NELL1: variants seen among roughly 807,000 people sequenced by gnomAD.
NELL1 encodes the protein neural EGFL like 1, also known as protein kinase C-binding protein NELL1.
NELL1 carries 76 observed loss-of-function variants against 107.4 expected under a neutral mutation model. The ratio of observed to expected loss-of-function variants is 0.71; its 90% confidence interval spans 0.59 to 0.86. The LOEUF is 0.86. NELL1 is among the 40% of genes least tolerant of loss of function. NELL1 has a pLI of 0.00. For missense variants in NELL1, 1,024 were observed against 1,005.5 expected, an observed-to-expected ratio of 1.02 and a Z score of -0.25; for synonymous variants, 353 against 341.2, an observed-to-expected ratio of 1.03 and a Z score of -0.38.
chr11:21,264,064 AC>A (rs2133926007), intron 14 of NELL1, among the ~76,000 whole-genome samples: 1 of 37,752 alleles, frequency 2.6e-5, no homozygotes, highest in East Asian at 5.8e-4. Flanking sequence ...CTGAAAGTCT[AC>A]AATGGGGTGT....
At chr11:21,209,787 A>G (rs1333749318) in intron 13 of NELL1, among the ~76,000 whole-genome samples, 2 of 152,164 alleles carry the variant, frequency 1.3e-5, no homozygotes, top group Non-Finnish European at 2.9e-5. Context: ...TAGAATAAAA[A>G]AAAGAAGCGA....
At chr11:21,143,949 G>T (rs888213777) in intron 13 of NELL1, among the ~76,000 whole-genome samples, 2 of 152,162 alleles carry the variant, frequency 1.3e-5, no homozygotes, top group African/African-American at 2.4e-5. Context: ...TGGACCATGG[G>T]GCCACCAGTA....
chr11:21,571,586 T>G (rs1432995039), intron 18 of NELL1, among the ~76,000 whole-genome samples: 1 of 151,870 alleles, frequency 6.6e-6, no homozygotes, highest in Non-Finnish European at 1.5e-5. Flanking sequence ...TTGTTAATAC[T>G]TCCTACCTTG....
intron 15 of NELL1, among the ~76,000 whole-genome samples, chr11:21,397,093 G>A (rs1442249161): frequency 6.6e-6 from 1 of 151,594 alleles, no homozygotes; most frequent in African/African-American, 2.4e-5. Context: ...TATGTTTGTA[G>A]TAAGTTTTTA....
intron 15 of NELL1, among the ~76,000 whole-genome samples, chr11:21,458,940 T>G (rs1853824140): frequency 9.4e-6 from 1 of 106,218 alleles, no homozygotes; most frequent in African/African-American, 2.9e-5. Flanking sequence ...TTAGAGATAA[T>G]TTTGTGTCAG....
chr11:21,501,734 G>A (rs771709805), intron 15 of NELL1, among the ~76,000 whole-genome samples: 5 of 152,100 alleles, frequency 3.3e-5, no homozygotes, highest in Non-Finnish European at 5.9e-5. Flanking sequence ...TCTTCTATAT[G>A]GGCTTCATTC....
intron 12 of NELL1, among the ~76,000 whole-genome samples, chr11:21,012,697 C>A (rs549172777): frequency 6.6e-6 from 1 of 152,028 alleles, no homozygotes; most frequent in Admixed American, 6.6e-5. Context: ...TTGGGAATGG[C>A]AAATGCTAAT....
At chr11:20,717,791 T>A (rs1409739754) in intron 2 of NELL1, among the ~76,000 whole-genome samples, 1 of 152,170 alleles carries the variant, frequency 6.6e-6, no homozygotes, top group African/African-American at 2.4e-5. Context: ...TTAATTTTTG[T>A]CCCCCAGTAA....
chr11:21,463,163 A>C (rs1007356461), intron 15 of NELL1, among the ~76,000 whole-genome samples: 1 of 152,038 alleles, frequency 6.6e-6, no homozygotes, highest in Non-Finnish European at 1.5e-5. Flanking sequence ...AGACTAGATT[A>C]GCAATATGCC....
rs528032387 is a variant in NELL1, at chr11:21,504,658, T to G, written c.1646-29716T>G. Among the ~76,000 whole-genome samples, 10 of 152,316 alleles carry G rather than the reference T, an allele frequency of 6.6e-5. No individual in the cohort carries two copies. The East Asian group carries it at 1.7e-3, about 26-fold the overall frequency. ...TATCTTGCTCCTGATTACATACATT[T>G]GGTAATTTTCCTGCTTTTCCTGTGG... On this transcript the variant is annotated intron_variant, in intron 15 of 19. Transcript: ENST00000357134.
intron 15 of NELL1, among the ~76,000 whole-genome samples, chr11:21,502,677 T>A (rs1855171748): frequency 6.6e-6 from 1 of 152,168 alleles, no homozygotes; most frequent in Non-Finnish European, 1.5e-5. Flanking sequence ...AGTTTTTAGC[T>A]TTAGGATTCA....
At chr11:21,433,301 C>T (rs770823397) in intron 15 of NELL1, among the ~76,000 whole-genome samples, 32 of 152,106 alleles carry the variant, frequency 2.1e-4, no homozygotes, top group Admixed American at 7.9e-4. Flanking sequence ...GGGGTTATTA[C>T]GTAATGGTGG....
chr11:20,676,000 CAGCCTCCCAA>C (rs1299573075), intron 1 of NELL1, among the ~76,000 whole-genome samples: 1 of 152,142 alleles, frequency 6.6e-6, no homozygotes, highest in Non-Finnish European at 1.5e-5. Context: ...CCTCCTGCCT[CAGCCTCCCAA>C]AGTGTTAGAA....
chr11:21,359,979 A>C (rs1311743007), intron 14 of NELL1, among the ~76,000 whole-genome samples: 5 of 151,668 alleles, frequency 3.3e-5, no homozygotes, highest in African/African-American at 1.2e-4. Flanking sequence ...TCTTTGTTTC[A>C]ATTTCATTTA....
In NELL1 at chr11:21,260,054, G is replaced by A. The variant is rs886974755; in HGVS notation, c.1549+30600G>A. 7 of 151,902 alleles carry A rather than the reference G, an allele frequency of 4.6e-5. No individual in the cohort carries two copies. The South Asian group carries it at 1.2e-3, about 27-fold the overall frequency. The allele number at this position is 151,902 out of a possible 1,614,324, so 9.4% of individuals were successfully genotyped here. A position where few individuals can be genotyped will look rare whatever the true frequency, so the allele number is the denominator to read the frequency against. Reference sequence around the variant, plus strand: ...TTGAGTACCAAATACTATTCTAGATGTGGTGGATATAGCAGGAAACCAAAC... The same window carrying A: ...TTGAGTACCAAATACTATTCTAGATATGGTGGATATAGCAGGAAACCAAAC... On this transcript the variant is annotated intron_variant, in intron 14 of 19. Transcript: ENST00000357134.
intron 3 of NELL1, among the ~76,000 whole-genome samples, chr11:20,790,392 C>T (rs1377387646): frequency 2.6e-5 from 4 of 152,206 alleles, no homozygotes; most frequent in Admixed American, 1.3e-4. Context: ...GTGACAGTGC[C>T]GGAACTCGGC....
intron 12 of NELL1, among the ~76,000 whole-genome samples, chr11:21,075,827 C>T (rs949779129): frequency 6.6e-6 from 1 of 152,102 alleles, no homozygotes; most frequent in Non-Finnish European, 1.5e-5. Flanking sequence ...CAATTTTCTC[C>T]TTTTATTTTT....
chr11:21,281,792 C>G (rs913627058), intron 14 of NELL1, among the ~76,000 whole-genome samples: 4 of 152,164 alleles, frequency 2.6e-5, no homozygotes, highest in African/African-American at 4.8e-5. Context: ...CATCTAAGAC[C>G]ATTAAGGTGC....
Position 20,691,288 on chromosome 11 carries a change from C to G in NELL1, c.184+13228C>G, listed in dbSNP as rs374909233. ...AATACCCTTTATTTCCTTCTCCTGC[C>G]TGATTGCCCTGGCCAGAACTTCCAA... On this transcript the variant is annotated intron_variant, in intron 2 of 19. Coordinates refer to ENST00000357134, the MANE Select transcript of NELL1 (RefSeq NM_006157.5). 9.7e-3 allele frequency among the ~76,000 whole-genome samples: 1,465 copies of G among 151,560 alleles called. 23 individuals carry two copies. The highest frequency in any genetic ancestry group is 0.036 in the Admixed American group (544 of 15,206).
Sources: gnomAD v4.1 joint callset for allele counts (sites outside exome capture counted in the v4.1 genomes callset) on GRCh38, gnomAD v4.1.1 for gene constraint, MANE v1.5 for transcripts, NCBI Gene and HGNC (gene_info 2026-07-23, HGNC 2026-07-21) for gene names.